MZT1: variants seen among roughly 807,000 people sequenced by gnomAD.
MZT1 encodes the protein mitotic-spindle organizing protein 1.
A neutral mutation model predicts 8.5 loss-of-function variants in MZT1; 8 were observed. That is an observed-to-expected ratio of 0.94 (90% CI 0.55 to 1.70). The LOEUF is 1.70. MZT1 is among the 40% of genes most tolerant of loss of function. The pLI is 0.00. For missense variants in MZT1, 93 were observed against 108.6 expected (o/e 0.86, Z 0.64); for synonymous variants, 38 against 42.0 (o/e 0.90, Z 0.37).
intron 1 of MZT1, among the ~76,000 whole-genome samples, chr13:72,722,592 T>C (rs2032601912): frequency 6.6e-6 from 1 of 152,184 alleles, no homozygotes; most frequent in African/African-American, 2.4e-5. Context: ...GCTTTAGGCC[T>C]CTAGATCAGG....
intron 1 of MZT1, 62 bp downstream of exon 1, chr13:72,727,462 C>T: frequency 6.5e-7 from 1 of 1,536,930 alleles, no homozygotes; most frequent in Non-Finnish European, 9.0e-7. Flanking sequence ...AGGCTCATTC[C>T]CGCCTGGGGG....
intron 1 of MZT1, among the ~76,000 whole-genome samples, chr13:72,721,034 G>C (rs745345874): frequency 6.6e-6 from 1 of 152,286 alleles, no homozygotes; most frequent in South Asian, 2.1e-4. Context: ...GTGTGATCGG[G>C]GGGGTGTTCG....
At chr13:72,724,457 T>G (rs2032620182) in intron 1 of MZT1, among the ~76,000 whole-genome samples, 1 of 151,426 alleles carries the variant, frequency 6.6e-6, no homozygotes, top group African/African-American at 2.4e-5. Flanking sequence ...TAGCATGGAC[T>G]GTTTCGCTGG....
chr13:72,725,105 C>G (rs560029633), intron 1 of MZT1, among the ~76,000 whole-genome samples: 3 of 148,608 alleles, frequency 2.0e-5, no homozygotes, highest in African/African-American at 7.4e-5. Context: ...GAATAATTAT[C>G]AAAATTAAAA....
In MZT1 at chr13:72,709,969, T is replaced by C; in HGVS notation, c.*353A>G. ...ACTACTACACATTACTACTGATGGG[T>C]TCCACTATACTTCAACCTGGCACAG... On this transcript the variant is annotated 3_prime_UTR_variant, in exon 3 of 3. Coordinates refer to ENST00000377818, the MANE Select transcript of MZT1 (RefSeq NM_001071775.3). The C allele has an allele frequency of 4.2e-6, 1 of 235,540 alleles. No individual in the cohort carries two copies. Among genetic ancestry groups the C allele is most frequent in the Admixed American group, 5.4e-5 (1 of 18,504 alleles). The allele number at this position is 235,540 out of a possible 1,614,324, so 14.6% of individuals were successfully genotyped here. A position where few individuals can be genotyped will look rare whatever the true frequency, so the allele number is the denominator to read the frequency against.
chr13:72,709,575 C>T lies in MZT1; in HGVS notation c.*747G>A, dbSNP rs1235295453. ...TAAGAAAACATTCTCAACTAACATTCTCATTAGATGTAAATGATTCAAATT... is the reference window on the plus strand; with the variant it reads ...TAAGAAAACATTCTCAACTAACATTTTCATTAGATGTAAATGATTCAAATT... On this transcript the variant is annotated 3_prime_UTR_variant, in exon 3 of 3. Coordinates refer to ENST00000377818, the MANE Select transcript of MZT1 (RefSeq NM_001071775.3). The T allele has an allele frequency of 6.6e-6, 1 of 151,966 alleles. No individual in the cohort carries two copies. Among genetic ancestry groups the T allele is most frequent in the Non-Finnish European group, 1.5e-5 (1 of 67,908 alleles). 9.4% of individuals were successfully genotyped at this position (151,966 alleles called of 1,614,324 possible). A position where few individuals can be genotyped will look rare whatever the true frequency, so the allele number is the denominator to read the frequency against.
intron 2 of MZT1, among the ~76,000 whole-genome samples, chr13:72,716,822 A>T (rs2138010622): frequency 6.6e-6 from 1 of 152,340 alleles, no homozygotes; most frequent in East Asian, 1.9e-4. Flanking sequence ...ATTGGAAAAA[A>T]GGTGGCCCTC....
chr13:72,722,319 G>C (rs1251105881), intron 1 of MZT1, among the ~76,000 whole-genome samples: 1 of 152,182 alleles, frequency 6.6e-6, no homozygotes, highest in Non-Finnish European at 1.5e-5. Context: ...GAGAATTAAA[G>C]GATACACTTA....
intron 1 of MZT1, among the ~76,000 whole-genome samples, chr13:72,727,010 T>C (rs2032672642): frequency 2.0e-5 from 3 of 152,198 alleles, no homozygotes; most frequent in Admixed American, 2.0e-4. Flanking sequence ...GGGGAACTTG[T>C]TCATTCGCCG....
chr13:72,727,624 G>A lies in MZT1; in HGVS notation c.-22C>T, dbSNP rs749328128. 7.0e-6 allele frequency: 11 copies of A among 1,571,346 alleles called. No individual in the cohort carries two copies. The highest frequency in any genetic ancestry group is 1.1e-5 in the South Asian group (1 of 87,004). On this transcript the variant is annotated 5_prime_UTR_variant, in exon 1 of 3. Coordinates refer to ENST00000377818, the MANE Select transcript of MZT1 (RefSeq NM_001071775.3). ...CCATGGCTAAGGCCGAGGGAGGCGGGAGAAGGGCCTGACCCGGAACTGGAG... is the reference window on the plus strand; with the variant it reads ...CCATGGCTAAGGCCGAGGGAGGCGGAAGAAGGGCCTGACCCGGAACTGGAG...
At chr13:72,725,604 T>C (rs1326352274) in intron 1 of MZT1, among the ~76,000 whole-genome samples, 1 of 152,132 alleles carries the variant, frequency 6.6e-6, no homozygotes, top group East Asian at 2.0e-4. Flanking sequence ...TCCCCTCTCC[T>C]TCATTTTTTG....
chr13:72,714,532 A>G (rs1367974911), intron 2 of MZT1, among the ~76,000 whole-genome samples: 1 of 152,250 alleles, frequency 6.6e-6, no homozygotes, highest in Non-Finnish European at 1.5e-5. Context: ...CCTAGACAAC[A>G]TTTCAGAGAT....
intron 2 of MZT1, among the ~76,000 whole-genome samples, chr13:72,712,382 G>T (rs1244625573): frequency 6.6e-6 from 1 of 152,178 alleles, no homozygotes; most frequent in Non-Finnish European, 1.5e-5. Context: ...TTAAACTCCT[G>T]GCCTGAAGTG....
In MZT1 at chr13:72,709,198, T is replaced by A. The variant is rs1010513064; in HGVS notation, c.*1124A>T. On this transcript the variant is annotated 3_prime_UTR_variant, in exon 3 of 3. Transcript: ENST00000377818. ...ACATCAAGATGTTAAAAAGGTTTTTTAAAAAAAGCCATACTTGAGATTCCT... is the reference window on the plus strand; with the variant it reads ...ACATCAAGATGTTAAAAAGGTTTTTAAAAAAAAGCCATACTTGAGATTCCT... 6.6e-6 allele frequency: 1 copy of A among 151,936 alleles called. No individual in the cohort carries two copies. 9.4% of individuals were successfully genotyped at this position (151,936 alleles called of 1,614,324 possible). A position where few individuals can be genotyped will look rare whatever the true frequency, so the allele number is the denominator to read the frequency against.
chr13:72,717,818 C>T (rs913875231), intron 2 of MZT1, among the ~76,000 whole-genome samples: 1 of 152,178 alleles, frequency 6.6e-6, no homozygotes, highest in Non-Finnish European at 1.5e-5. Context: ...TCTCTTCTTT[C>T]TGAGCCCTCA....
In MZT1 at chr13:72,727,526, T is replaced by G. The variant is rs1369670054; in HGVS notation, c.77A>C (p.Asp26Ala). ...AAGGGAGCGCAACGGAAACTCACCGTCCATGGTCTCCCGCACCGCATTCAG... is the reference window on the plus strand; with the variant it reads ...AAGGGAGCGCAACGGAAACTCACCGGCCATGGTCTCCCGCACCGCATTCAG... Reference protein sequence around the residue: ...ANLNAVRETMDVLLEISRILN... With the variant: ...ANLNAVRETMAVLLEISRILN... The change falls in exon 1 of 3, where the codon GAC becomes GCC. Residue 26 changes from aspartate (D) to alanine (A), a missense_variant and splice_region_variant. Transcript: ENST00000377818. 1 of 1,613,430 alleles carries G rather than the reference T, an allele frequency of 6.2e-7. No homozygotes were observed. The highest frequency in any genetic ancestry group is 1.3e-5 in the African/African-American group (1 of 74,912).
chr13:72,727,604 G>C lies in MZT1; in HGVS notation c.-2C>G. The C allele has an allele frequency of 6.3e-7, 1 of 1,595,194 alleles. No individual in the cohort carries two copies. The highest frequency in any genetic ancestry group is 8.5e-7 in the Non-Finnish European group (1 of 1,170,706). ...CCCAGCACCGCTGCTACTCGCCATGGCTAAGGCCGAGGGAGGCGGGAGAAG... is the reference window on the plus strand; with the variant it reads ...CCCAGCACCGCTGCTACTCGCCATGCCTAAGGCCGAGGGAGGCGGGAGAAG... On this transcript the variant is annotated 5_prime_UTR_variant, in exon 1 of 3. Coordinates refer to ENST00000377818, the MANE Select transcript of MZT1 (RefSeq NM_001071775.3).
intron 1 of MZT1, among the ~76,000 whole-genome samples, chr13:72,720,569 T>G: frequency 6.6e-6 from 1 of 152,196 alleles, no homozygotes; most frequent in East Asian, 1.9e-4. Context: ...ATTTCTTCCA[T>G]ATCAGATATT....
intron 2 of MZT1, among the ~76,000 whole-genome samples, chr13:72,715,624 T>G (rs539970567): frequency 6.6e-6 from 1 of 152,294 alleles, no homozygotes; most frequent in South Asian, 2.1e-4. Context: ...TGGTGGGAGT[T>G]GACTGAATTC....
Sources: gnomAD v4.1 joint callset for allele counts (sites outside exome capture counted in the v4.1 genomes callset) on GRCh38, gnomAD v4.1.1 for gene constraint, MANE v1.5 for transcripts, NCBI Gene and HGNC (gene_info 2026-07-23, HGNC 2026-07-21) for gene names.